The following RSPRY1 variants were observed in gnomAD, a reference collection of about 807,000 sequenced individuals.
RSPRY1 encodes the protein RING finger and SPRY domain-containing protein 1.
A neutral mutation model predicts 73.1 loss-of-function variants in RSPRY1; 23 were observed. The observed-to-expected ratio is 0.31, with a 90% CI of 0.23 to 0.45. RSPRY1 has a LOEUF of 0.45. Among genes scored for constraint, RSPRY1 ranks in the 20% least tolerant of loss-of-function variants. The pLI is 1.00. For synonymous variants in RSPRY1, 226 were observed against 251.4 expected (o/e 0.90, Z 0.95); for missense variants, 448 against 698.7 (o/e 0.64, Z 4.05).
chr16:57,212,186 C>T (rs1326014399), intron 4 of RSPRY1, among the ~76,000 whole-genome samples: 7 of 152,032 alleles, frequency 4.6e-5, no homozygotes, highest in South Asian at 4.2e-4. Context: ...TGACATGTGC[C>T]GGTAGTCCCA....
At position 57,223,675 on chromosome 16, in the gene RSPRY1, G is replaced by A. The variant is rs141956532; in HGVS notation, c.1161+2260G>A. Among the ~76,000 whole-genome samples the A allele has an allele frequency of 2.4e-3, 370 of 152,288 alleles. 1 individual carries two copies. Among genetic ancestry groups the A allele is most frequent in the South Asian group, 0.014 (70 of 4,828 alleles). On this transcript the variant is annotated intron_variant, in intron 10 of 14. Transcript: ENST00000394420. ...TAATCCCAGCTACTCGGGAGGCTGA[G>A]GCAGGAGAATTGCTGGAATATGGGA...
At chr16:57,221,085 G>T (rs1284244122) in intron 9 of RSPRY1, among the ~76,000 whole-genome samples, 187 bp from the exon 10 acceptor site, 1 of 152,210 alleles carries the variant, frequency 6.6e-6, no homozygotes, top group East Asian at 1.9e-4. Context: ...CTTTGATTCT[G>T]TATGTTGCCA....
chr16:57,231,072 T>C, intron 12 of RSPRY1, 95 bp from the exon 13 acceptor site: 1 of 1,176,850 alleles, frequency 8.5e-7, no homozygotes, highest in South Asian at 1.4e-5. Flanking sequence ...CAGGGTAGGA[T>C]TGACTCACCC....
At chr16:57,187,192 C>T (rs1489490216) in intron 1 of RSPRY1, 6 of 152,230 alleles carry the variant, frequency 3.9e-5, no homozygotes, top group African/African-American at 1.4e-4. Context: ...GTCCCAGACA[C>T]AGGATCCAAC....
chr16:57,213,631 G>T (rs1258609247), intron 5 of RSPRY1, among the ~76,000 whole-genome samples: 1 of 152,244 alleles, frequency 6.6e-6, no homozygotes, highest in Non-Finnish European at 1.5e-5. Context: ...AGAAACAATG[G>T]ATTAGAAATC....
chr16:57,222,215 A>G (rs1352597617), intron 10 of RSPRY1, among the ~76,000 whole-genome samples: 3 of 151,974 alleles, frequency 2.0e-5, no homozygotes, highest in Admixed American at 6.6e-5. Context: ...TGATCCAACA[A>G]AATCAAGCTA....
chr16:57,199,916 T>C (rs2074534148), intron 1 of RSPRY1, among the ~76,000 whole-genome samples: 1 of 149,272 alleles, frequency 6.7e-6, no homozygotes, highest in Non-Finnish European at 1.5e-5. Context: ...TCTTTTTCTT[T>C]TTTTTTTTTT....
intron 1 of RSPRY1, among the ~76,000 whole-genome samples, chr16:57,200,950 G>GC (rs1340963323): frequency 2.3e-5 from 1 of 44,402 alleles, no homozygotes; most frequent in Non-Finnish European, 5.0e-5. Context: ...GGCTGGCCGG[G>GC]GGGGGGGGGG....
chr16:57,198,618 T>C (rs567503437), intron 1 of RSPRY1, among the ~76,000 whole-genome samples: 16 of 152,350 alleles, frequency 1.1e-4, no homozygotes, highest in Non-Finnish European at 1.8e-4. Context: ...TGCTTTTTTT[T>C]CCCCCTGAAA....
At chr16:57,203,857 T>C (rs1237049483) in intron 1 of RSPRY1, among the ~76,000 whole-genome samples, 1 of 152,224 alleles carries the variant, frequency 6.6e-6, no homozygotes, top group East Asian at 1.9e-4. Context: ...GTGATATCAG[T>C]TTTCCTTTCC....
intron 3 of RSPRY1, among the ~76,000 whole-genome samples, chr16:57,208,749 G>A (rs1228680136): frequency 2.0e-5 from 3 of 152,018 alleles, no homozygotes; most frequent in Admixed American, 1.3e-4. Context: ...TGAAAACAAA[G>A]CCAACTGCTG....
At chr16:57,221,560 C>G (rs111529780) in intron 10 of RSPRY1, 145 bp downstream of exon 10, 19 of 773,060 alleles carry the variant, frequency 2.5e-5, no homozygotes, top group African/African-American at 2.0e-4. Flanking sequence ...AGGTCCCTAA[C>G]AATGATCTAC....
At chr16:57,214,431 CT>C (rs1171087951) in intron 6 of RSPRY1, among the ~76,000 whole-genome samples, 1 of 152,156 alleles carries the variant, frequency 6.6e-6, no homozygotes, top group Non-Finnish European at 1.5e-5. Context: ...AGGCTGTGCC[CT>C]CAGATCTCTC....
intron 1 of RSPRY1, among the ~76,000 whole-genome samples, chr16:57,192,575 G>A (rs1567480889): frequency 2.6e-5 from 4 of 152,030 alleles, no homozygotes; most frequent in African/African-American, 9.7e-5. Flanking sequence ...TTTGAATGCT[G>A]AAAGGATTTG....
intron 1 of RSPRY1, among the ~76,000 whole-genome samples, chr16:57,201,913 A>G (rs1414145412): frequency 1.3e-5 from 2 of 152,230 alleles, no homozygotes; most frequent in East Asian, 1.9e-4. Context: ...GCAGCAGTAC[A>G]GTCCAGCTTT....
intron 1 of RSPRY1, among the ~76,000 whole-genome samples, chr16:57,188,916 T>G (rs1216722232): frequency 6.6e-6 from 1 of 152,110 alleles, no homozygotes; most frequent in East Asian, 1.9e-4. Flanking sequence ...AGTTATTTGA[T>G]CTCCCAGGAT....
rs762933318 is a variant in RSPRY1, at chr16:57,204,803, G to A, written c.145G>A (p.Asp49Asn). Reference sequence around the variant, plus strand: ...GGGTAATTCCTGTATCTGCCGAGATGACAGTGGAACAGATGACAGTGTTGA... The same window carrying A: ...GGGTAATTCCTGTATCTGCCGAGATAACAGTGGAACAGATGACAGTGTTGA... ...TMGNSCICRD[D>N]SGTDDSVDTQ... Residue 49 changes from aspartate (D) to asparagine (N), a missense_variant, in exon 2 of 15, where the codon GAC becomes AAC. By Grantham distance (23) the Asp-to-Asn change is conservative (BLOSUM62 1). Coordinates refer to ENST00000394420, the MANE Select transcript of RSPRY1 (RefSeq NM_133368.3). 2 of 1,614,170 alleles carry A rather than the reference G, an allele frequency of 1.2e-6. No homozygotes were observed. Among genetic ancestry groups the A allele is most frequent in the Non-Finnish European group, 1.7e-6 (2 of 1,180,028 alleles).
At chr16:57,194,323 TTAG>T (rs1390611968) in intron 1 of RSPRY1, among the ~76,000 whole-genome samples, 7 of 152,134 alleles carry the variant, frequency 4.6e-5, no homozygotes, top group African/African-American at 1.4e-4. Flanking sequence ...TAGTAAAATG[TTAG>T]TAGTAGAATC....
intron 1 of RSPRY1, among the ~76,000 whole-genome samples, chr16:57,191,932 C>T (rs756615420): frequency 3.3e-5 from 5 of 152,180 alleles, no homozygotes; most frequent in Non-Finnish European, 5.9e-5. Context: ...TTGTCCCTAA[C>T]CCCAGCTCCC....
Sources: gnomAD v4.1 joint callset for allele counts (sites outside exome capture counted in the v4.1 genomes callset) on GRCh38, gnomAD v4.1.1 for gene constraint, MANE v1.5 for transcripts, NCBI Gene and HGNC (gene_info 2026-07-23, HGNC 2026-07-21) for gene names.